The following AGK variants were observed in gnomAD, a reference collection of about 807,000 sequenced individuals.
The protein encoded by AGK is acylglycerol kinase, mitochondrial.
A neutral mutation model predicts 66.4 loss-of-function variants in AGK; 52 were observed. That is an observed-to-expected ratio of 0.78 (90% CI 0.63 to 0.99). The LOEUF (loss-of-function observed/expected upper bound fraction) is 0.99, where lower values mean the gene tolerates loss of function less well. Ranked by LOEUF, AGK falls within the 50% of genes least tolerant of loss-of-function variation. AGK has a pLI of 0.00. For missense variants in AGK, 451 were observed against 506.6 expected (o/e 0.89, Z 1.05); for synonymous variants, 182 against 181.1 (o/e 1.00, Z -0.04).
At chr7:141,628,058 T>G (rs1174622912) in intron 9 of AGK, among the ~76,000 whole-genome samples, 1 of 152,134 alleles carries the variant, frequency 6.6e-6, no homozygotes, top group African/African-American at 2.4e-5. Context: ...ATTTTTGTAT[T>G]TTTAGTAGAG....
intron 10 of AGK, among the ~76,000 whole-genome samples, chr7:141,635,942 C>T (rs1441369092): frequency 6.6e-6 from 1 of 152,156 alleles, no homozygotes; most frequent in Non-Finnish European, 1.5e-5. Context: ...CCTCCGCATT[C>T]ATAGTGGGTG....
At chr7:141,638,852 T>C (rs941523280) in intron 11 of AGK, among the ~76,000 whole-genome samples, 1 of 152,156 alleles carries the variant, frequency 6.6e-6, no homozygotes, top group African/African-American at 2.4e-5. Flanking sequence ...CAAGCAAAGA[T>C]ACAATTGTGA....
intron 2 of AGK, among the ~76,000 whole-genome samples, chr7:141,592,005 A>G (rs1220979482): frequency 6.6e-6 from 1 of 152,232 alleles, no homozygotes; most frequent in African/African-American, 2.4e-5. Flanking sequence ...ATTGTCTGAC[A>G]GTGATATAAA....
At chr7:141,593,370 T>C (rs1271983648) in intron 3 of AGK, 185 bp downstream of exon 3, 1 of 709,448 alleles carries the variant, frequency 1.4e-6, no homozygotes, top group Admixed American at 2.0e-5. Flanking sequence ...AACCATCTGG[T>C]GAAGAGCAGT....
chr7:141,634,178 A>G (rs1431606532), intron 10 of AGK, among the ~76,000 whole-genome samples, 198 bp downstream of exon 10: 1 of 152,200 alleles, frequency 6.6e-6, no homozygotes, highest in East Asian at 1.9e-4. Flanking sequence ...GGAAAGTTGC[A>G]GCTTCCTCAA....
intron 2 of AGK, among the ~76,000 whole-genome samples, chr7:141,560,139 A>G (rs1252012830): frequency 1.3e-5 from 2 of 152,118 alleles, no homozygotes; most frequent in Admixed American, 1.3e-4. Context: ...TGATGAGTGG[A>G]CATCTTTGTC....
intron 5 of AGK, 49 bp from the exon 6 acceptor site, chr7:141,611,145 CT>C: frequency 1.6e-6 from 2 of 1,265,368 alleles, no homozygotes. Flanking sequence ...AACCTTTAAC[CT>C]TGTGGCTCTA....
At chr7:141,554,313 C>G (rs1271856147) in intron 1 of AGK, among the ~76,000 whole-genome samples, 1 of 149,434 alleles carries the variant, frequency 6.7e-6, no homozygotes, top group Non-Finnish European at 1.5e-5. Flanking sequence ...GGACTCCATC[C>G]TAGGTGACAG....
intron 1 of AGK, among the ~76,000 whole-genome samples, chr7:141,554,361 T>C (rs1388432757): frequency 6.6e-6 from 1 of 151,784 alleles, no homozygotes; most frequent in East Asian, 1.9e-4. Flanking sequence ...AAAAAAATTG[T>C]TTTTGTTTAA....
intron 14 of AGK, chr7:141,650,717 T>C (rs1021769027): frequency 3.1e-6 from 3 of 978,426 alleles, no homozygotes; most frequent in Admixed American, 6.1e-5. Flanking sequence ...AAGGTAGATA[T>C]TGTATGCCAA....
Position 141,611,291 on chromosome 7 carries a change from T to C in AGK, c.390+4T>C. 4 of 1,603,216 alleles carry C rather than the reference T, an allele frequency of 2.5e-6. No homozygotes were observed. The highest frequency in any genetic ancestry group is 3.4e-6 in the Non-Finnish European group (4 of 1,172,748). On this transcript the variant is annotated splice_donor_region_variant and intron_variant, in intron 6 of 15. Coordinates refer to ENST00000649286, the MANE Select transcript of AGK (RefSeq NM_018238.4). ...AGGAGATGGGACACTGCAGGAGGTATGACTGTTTTTCTCTTTGAAGCTATT... is the reference window on the plus strand; with the variant it reads ...AGGAGATGGGACACTGCAGGAGGTACGACTGTTTTTCTCTTTGAAGCTATT...
rs192042859 is a variant in AGK, at chr7:141,582,003, G to A, written c.102-11143G>A. On this transcript the variant is annotated intron_variant, in intron 2 of 15. Coordinates refer to ENST00000649286, the MANE Select transcript of AGK (RefSeq NM_018238.4). ...CCTCCGTATTGATTAAGAAAGGGAC[G>A]GACTTACCGTCCACTCTGAGAGTTA... is the stretch of plus-strand genomic sequence containing the variant. 1.6e-4 allele frequency among the ~76,000 whole-genome samples: 24 copies of A among 152,044 alleles called. 1 individual carries two copies. The highest frequency in any genetic ancestry group is 4.6e-4 in the Admixed American group (7 of 15,288).
At chr7:141,604,403 T>TATATATATATATATATACAC (rs1301537652) in intron 5 of AGK, among the ~76,000 whole-genome samples, 4 of 141,502 alleles carry the variant, frequency 2.8e-5, no homozygotes, top group African/African-American at 1.0e-4. Flanking sequence ...TATATATATA[T>TATATATATATATATATACAC]ACACATACAT....
intron 8 of AGK, among the ~76,000 whole-genome samples, chr7:141,619,437 A>C (rs1357077302): frequency 2.6e-5 from 4 of 152,134 alleles, no homozygotes; most frequent in East Asian, 3.8e-4. Context: ...TTCAATGTAT[A>C]ATAGAAAAGA....
At chr7:141,578,426 T>C (rs896040429) in intron 2 of AGK, among the ~76,000 whole-genome samples, 1 of 151,942 alleles carries the variant, frequency 6.6e-6, no homozygotes, top group African/African-American at 2.4e-5. Context: ...GACATATGTG[T>C]GCAGGTCACA....
At chr7:141,622,182 C>T (rs1284708833) in intron 9 of AGK, among the ~76,000 whole-genome samples, 2 of 151,900 alleles carry the variant, frequency 1.3e-5, no homozygotes, top group East Asian at 1.9e-4. Flanking sequence ...CCTCTGCCTC[C>T]TGGGTTTAAG....
chr7:141,552,725 T>C (rs1218353036), intron 1 of AGK, among the ~76,000 whole-genome samples: 1 of 152,216 alleles, frequency 6.6e-6, no homozygotes, highest in Non-Finnish European at 1.5e-5. Context: ...ATAAAAGAAT[T>C]GTTTGACCTT....
intron 2 of AGK, among the ~76,000 whole-genome samples, chr7:141,572,187 A>G (rs143480434): frequency 1.3e-3 from 196 of 152,358 alleles, no homozygotes; most frequent in Non-Finnish European, 2.6e-3. Flanking sequence ...AGAGAATGTC[A>G]TGAACAAAGT....
chr7:141,621,674 G>A, intron 8 of AGK, 58 bp from the exon 9 acceptor site: 1 of 1,113,270 alleles, frequency 9.0e-7, no homozygotes, highest in Non-Finnish European at 1.4e-6. Flanking sequence ...ATGTGGCAGT[G>A]TGGTGGGGGA....
Sources: allele counts gnomAD v4.1 joint callset (sites outside exome capture counted in the v4.1 genomes callset), GRCh38; gene constraint gnomAD v4.1.1; transcripts MANE v1.5; gene names NCBI Gene and HGNC (gene_info 2026-07-23, HGNC 2026-07-21).